Variants in RIMS1 observed in about 807,000 individuals in gnomAD.
RIMS1 encodes regulating synaptic membrane exocytosis protein 1.
RIMS1 carries 83 observed loss-of-function variants against 214.1 expected under a neutral mutation model. The observed-to-expected ratio is 0.39, with a 90% CI of 0.32 to 0.47. RIMS1 has a LOEUF of 0.47. RIMS1 is among the 20% of genes least tolerant of loss of function. The pLI is 0.99. For synonymous variants in RIMS1, 793 were observed against 786.8 expected (o/e 1.01, Z -0.13); for missense variants, 2,050 against 2,161.8 (o/e 0.95, Z 1.03).
At chr6:72,242,534 A>G (rs1443147417) in intron 10 of RIMS1, 97 bp downstream of exon 10, 1 of 861,916 alleles carries the variant, frequency 1.2e-6, no homozygotes, top group African/African-American at 1.8e-5. Flanking sequence ...ACATGTTAAC[A>G]TGGATAGTTT....
chr6:72,104,711 A>G (rs1435631848), intron 4 of RIMS1, among the ~76,000 whole-genome samples: 2 of 152,202 alleles, frequency 1.3e-5, no homozygotes, highest in African/African-American at 4.8e-5. Context: ...TCTTATAAAA[A>G]TTTAGTAGAG....
At chr6:72,073,257 A>G (rs892708066) in intron 2 of RIMS1, among the ~76,000 whole-genome samples, 1 of 152,078 alleles carries the variant, frequency 6.6e-6, no homozygotes, top group Non-Finnish European at 1.5e-5. Flanking sequence ...AGCTCTTGTC[A>G]CTCTAAACAT....
At chr6:72,375,981 A>G (rs1174222199) in intron 29 of RIMS1, among the ~76,000 whole-genome samples, 1 of 152,204 alleles carries the variant, frequency 6.6e-6, no homozygotes, top group African/African-American at 2.4e-5. Flanking sequence ...AATGCAAGAG[A>G]AAAGAGATGG....
At chr6:72,014,447 CT>C (rs538880234) in intron 2 of RIMS1, among the ~76,000 whole-genome samples, 1 of 152,178 alleles carries the variant, frequency 6.6e-6, no homozygotes, top group African/African-American at 2.4e-5. Context: ...ATATTTCATT[CT>C]TTTTTATTGC....
chr6:71,977,980 T>A (rs1030854213), intron 2 of RIMS1, among the ~76,000 whole-genome samples: 9 of 152,288 alleles, frequency 5.9e-5, no homozygotes, highest in Middle Eastern at 3.4e-3. Flanking sequence ...GAGACAGTTG[T>A]GGCAGTTAAG....
intron 4 of RIMS1, among the ~76,000 whole-genome samples, chr6:72,102,092 T>A (rs2033734389): frequency 6.6e-6 from 1 of 151,936 alleles, no homozygotes. Flanking sequence ...TTTATCTTTG[T>A]TTTACTATTT....
chr6:72,075,579 A>G (rs770951745), intron 2 of RIMS1, among the ~76,000 whole-genome samples: 1 of 152,226 alleles, frequency 6.6e-6, no homozygotes, highest in Non-Finnish European at 1.5e-5. Flanking sequence ...ACTATCATGT[A>G]AAGAGCTTTA....
intron 2 of RIMS1, among the ~76,000 whole-genome samples, chr6:72,078,944 G>A (rs2496535): frequency 0.46 from 69,131 of 151,858 alleles, 16,321 homozygotes; most frequent in East Asian, 0.67. Context: ...TAACATATTT[G>A]AGGAAGTTAA....
chr6:72,000,629 G>C (rs1255680953), intron 2 of RIMS1, among the ~76,000 whole-genome samples: 1 of 152,028 alleles, frequency 6.6e-6, no homozygotes, highest in Non-Finnish European at 1.5e-5. Flanking sequence ...TCATCAAAGG[G>C]AGGGCTGCTT....
chr6:71,991,319 CTGAACATG>C (rs1210569044), intron 2 of RIMS1, among the ~76,000 whole-genome samples: 2 of 151,980 alleles, frequency 1.3e-5, no homozygotes, highest in African/African-American at 4.8e-5. Flanking sequence ...CCCAGAACAT[CTGAACATG>C]TCTTTTAAAA....
At chr6:72,056,173 A>G (rs912066157) in intron 2 of RIMS1, among the ~76,000 whole-genome samples, 4 of 152,172 alleles carry the variant, frequency 2.6e-5, no homozygotes, top group African/African-American at 9.7e-5. Context: ...AGAAAACTAA[A>G]TACCATATTT....
chr6:72,225,376 T>C (rs1218597907), intron 6 of RIMS1, among the ~76,000 whole-genome samples: 2 of 152,206 alleles, frequency 1.3e-5, no homozygotes, highest in Non-Finnish European at 2.9e-5. Flanking sequence ...TGTATCCATC[T>C]TTACATTTTT....
intron 6 of RIMS1, among the ~76,000 whole-genome samples, chr6:72,225,602 C>CAGTCCCCAAACA (rs1430421420): frequency 6.6e-6 from 1 of 152,156 alleles, no homozygotes; most frequent in Non-Finnish European, 1.5e-5. Flanking sequence ...GGTTAACATC[C>CAGTCCCCAAACA]AGTCCCCAAA....
intron 27 of RIMS1, among the ~76,000 whole-genome samples, chr6:72,312,278 G>T (rs1437849037): frequency 6.6e-6 from 1 of 152,050 alleles, no homozygotes; most frequent in African/African-American, 2.4e-5. Context: ...TAAATTGCTT[G>T]CTAAGAAACA....
At chr6:72,291,131 A>G (rs562843610) in intron 25 of RIMS1, among the ~76,000 whole-genome samples, 2 of 152,290 alleles carry the variant, frequency 1.3e-5, no homozygotes, top group South Asian at 4.1e-4. Flanking sequence ...GCATATTCAT[A>G]TATAATTTTT....
At chr6:72,066,282 T>C (rs1829281463) in intron 2 of RIMS1, among the ~76,000 whole-genome samples, 1 of 152,242 alleles carries the variant, frequency 6.6e-6, no homozygotes, top group Admixed American at 6.5e-5. Flanking sequence ...GGTACATCCT[T>C]GGCAGATTGG....
chr6:72,335,125 A>G (rs2096794968), intron 29 of RIMS1, among the ~76,000 whole-genome samples: 1 of 151,966 alleles, frequency 6.6e-6, no homozygotes, highest in South Asian at 2.1e-4. Context: ...GGTTTGTTAC[A>G]TAGGTATACA....
chr6:72,051,497 G>C (rs1254451877), intron 2 of RIMS1, among the ~76,000 whole-genome samples: 2 of 152,164 alleles, frequency 1.3e-5, no homozygotes, highest in African/African-American at 4.8e-5. Flanking sequence ...TCTAGCGAGA[G>C]AGGCTGAGTT....
At chr6:72,378,620 A>G (rs552917034) in intron 29 of RIMS1, among the ~76,000 whole-genome samples, 1 of 152,206 alleles carries the variant, frequency 6.6e-6, no homozygotes. Context: ...ACCTGAGGTC[A>G]GGAGTTCACG....
Sources: gnomAD v4.1 joint callset for allele counts (sites outside exome capture counted in the v4.1 genomes callset) on GRCh38, gnomAD v4.1.1 for gene constraint, MANE v1.5 for transcripts, NCBI Gene and HGNC (gene_info 2026-07-23, HGNC 2026-07-21) for gene names.